Variants in SEC14L1 observed in about 807,000 individuals in gnomAD.
SEC14L1 encodes the protein SEC14-like protein 1.
SEC14L1 carries 48 observed loss-of-function variants against 85.3 expected under a neutral mutation model. The ratio of observed to expected loss-of-function variants is 0.56; its 90% confidence interval spans 0.45 to 0.72. The LOEUF (loss-of-function observed/expected upper bound fraction) is 0.72, where lower values mean the gene tolerates loss of function less well. SEC14L1 is among the 30% of genes least tolerant of loss of function. The pLI is 0.00. For missense variants in SEC14L1, 682 were observed against 921.4 expected, an observed-to-expected ratio of 0.74 and a Z score of 3.36; for synonymous variants, 391 against 355.5, an observed-to-expected ratio of 1.10 and a Z score of -1.12.
At chr17:77,167,146 CTT>C (rs72037954) in intron 3 of SEC14L1, among the ~76,000 whole-genome samples, 4,739 of 134,444 alleles carry the variant, frequency 0.035, 116 homozygotes, top group African/African-American at 0.082. Context: ...TTTCTTTTTC[CTT>C]TTTTTTTTTT....
intron 3 of SEC14L1, among the ~76,000 whole-genome samples, chr17:77,105,373 A>ACCCCCCCCCCCCCC (rs796673679): frequency 1.2e-5 from 1 of 82,376 alleles, no homozygotes; most frequent in Non-Finnish European, 2.4e-5. Context: ...CTCGCTGACC[A>ACCCCCCCCCCCCCC]CCCCCCCCCC....
At chr17:77,169,007 C>CTTTTTTTTTTTTTTTT in intron 3 of SEC14L1, among the ~76,000 whole-genome samples, 1 of 77,832 alleles carries the variant, frequency 1.3e-5, no homozygotes, top group Non-Finnish European at 2.4e-5. Context: ...TGAGGAGCAT[C>CTTTTTTTTTTTTTTTT]TTTTTTTTTT....
chr17:77,090,732 G>A (rs1971492649), intron 2 of SEC14L1, among the ~76,000 whole-genome samples: 1 of 152,064 alleles, frequency 6.6e-6, no homozygotes, highest in Admixed American at 6.6e-5. Flanking sequence ...GCTCACACCT[G>A]TAATCACAGC....
chr17:77,169,317 G>A lies in SEC14L1; in HGVS notation c.64-21486G>A, dbSNP rs530066702. 7.9e-5 allele frequency among the ~76,000 whole-genome samples: 12 copies of A among 152,286 alleles called. No homozygotes were observed. In the East Asian group the frequency reaches 2.1e-3, roughly 27 times the overall value. On this transcript the variant is annotated intron_variant, in intron 3 of 16. Transcript: ENST00000436233. ...TAAATCAGAAGCTGGAGGCCAGATG[G>A]CCCTCGGGGGCTGACCTGCGGGGTC... is the stretch of plus-strand genomic sequence containing the variant.
chr17:77,187,042 A>G (rs921074488), intron 3 of SEC14L1, among the ~76,000 whole-genome samples: 39 of 152,176 alleles, frequency 2.6e-4, no homozygotes, highest in African/African-American at 9.2e-4. Flanking sequence ...CCAGATCAAA[A>G]ACTTTTTGAG....
chr17:77,195,595 C>A (rs915223806), intron 7 of SEC14L1, among the ~76,000 whole-genome samples: 1 of 152,120 alleles, frequency 6.6e-6, no homozygotes, highest in Non-Finnish European at 1.5e-5. Context: ...TCAAGTGATT[C>A]TCCTGCCTAA....
At chr17:77,089,138 AC>A (rs1971442987) in intron 1 of SEC14L1, 1 of 293,922 alleles carries the variant, frequency 3.4e-6, no homozygotes, top group African/African-American at 4.4e-5. Context: ...ACATTATGTT[AC>A]TTTTTCCCCC....
At chr17:77,187,049 T>A (rs762712496) in intron 3 of SEC14L1, among the ~76,000 whole-genome samples, 2 of 152,222 alleles carry the variant, frequency 1.3e-5, no homozygotes, top group Non-Finnish European at 1.5e-5. Flanking sequence ...AAAAACTTTT[T>A]GAGCACTGAT....
At chr17:77,205,546 C>A (rs1976421751) in intron 11 of SEC14L1, among the ~76,000 whole-genome samples, 200 bp downstream of exon 11, 1 of 152,116 alleles carries the variant, frequency 6.6e-6, no homozygotes, top group African/African-American at 2.4e-5. Flanking sequence ...TGACGTCAGC[C>A]AGAGTGGGTT....
At chr17:77,105,877 A>G (rs924443779) in intron 3 of SEC14L1, among the ~76,000 whole-genome samples, 5 of 151,960 alleles carry the variant, frequency 3.3e-5, no homozygotes, top group African/African-American at 1.2e-4. Flanking sequence ...TGGTGAGAGG[A>G]GACAATCTTC....
intron 3 of SEC14L1, among the ~76,000 whole-genome samples, chr17:77,111,433 C>T (rs557677160): frequency 6.7e-6 from 1 of 149,786 alleles, no homozygotes; most frequent in Admixed American, 6.7e-5. Context: ...CGCTTTGTCG[C>T]CCAGGTTGGA....
At chr17:77,150,153 G>GT (rs1026588960) in intron 3 of SEC14L1, among the ~76,000 whole-genome samples, 15 of 152,152 alleles carry the variant, frequency 9.9e-5, no homozygotes, top group African/African-American at 2.9e-4. Flanking sequence ...GGCATTTGGG[G>GT]TTTTTTCCCC....
upstream of SEC14L1, among the ~76,000 whole-genome samples, chr17:77,136,211 TTTTCTTTTC>T (rs1161584151): frequency 6.6e-6 from 1 of 151,244 alleles, no homozygotes; most frequent in Non-Finnish European, 1.5e-5. Flanking sequence ...CTTTCTTTCT[TTTTCTTTTC>T]TTTCTTTTCT....
At chr17:77,205,382 T>A in intron 11 of SEC14L1, 36 bp downstream of exon 11, 1 of 1,526,912 alleles carries the variant, frequency 6.5e-7, no homozygotes, top group African/African-American at 1.4e-5. Context: ...TTCAACTTAC[T>A]GAGAAAACGA....
rs1388824032 is a variant in SEC14L1, at chr17:77,142,715, A to G, written c.-66A>G. On this transcript the variant is annotated 5_prime_UTR_variant, in exon 2 of 17. Transcript: ENST00000436233. The stretch of plus-strand genomic sequence containing the variant: ...ATATCCTCTCACCATGTTCAGCATA[A>G]AGTACCATTCTTAATGATTATCCTC... The G allele has an allele frequency of 6.6e-6, 1 of 152,122 alleles. No homozygotes were observed. The highest frequency in any genetic ancestry group is 1.9e-4 in the East Asian group (1 of 5,188). 9.4% of individuals were successfully genotyped at this position (152,122 alleles called of 1,614,324 possible).
At chr17:77,089,719 A>G (rs1567863049) in intron 2 of SEC14L1, 2 of 295,616 alleles carry the variant, frequency 6.8e-6, no homozygotes, top group Admixed American at 1.0e-4. Flanking sequence ...GATCACACTT[A>G]AGAGGGCATA....
At chr17:77,195,236 T>A (rs1567924605) in intron 7 of SEC14L1, among the ~76,000 whole-genome samples, 1 of 152,104 alleles carries the variant, frequency 6.6e-6, no homozygotes, top group Non-Finnish European at 1.5e-5. Context: ...GCTCAAGCAA[T>A]CCTTCTGCCT....
chr17:77,099,389 T>G (rs1887418330), intron 3 of SEC14L1, among the ~76,000 whole-genome samples: 1 of 152,198 alleles, frequency 6.6e-6, no homozygotes, highest in African/African-American at 2.4e-5. Context: ...TTGAAAACTT[T>G]GCTCAGTTGT....
intron 3 of SEC14L1, among the ~76,000 whole-genome samples, chr17:77,096,226 A>T (rs1971639679): frequency 6.6e-6 from 1 of 151,806 alleles, no homozygotes; most frequent in South Asian, 2.1e-4. Context: ...TTAGCAATGG[A>T]TAATTAAATA....
Sources: gnomAD v4.1 joint callset for allele counts (sites outside exome capture counted in the v4.1 genomes callset) on GRCh38, gnomAD v4.1.1 for gene constraint, MANE v1.5 for transcripts, NCBI Gene and HGNC (gene_info 2026-07-23, HGNC 2026-07-21) for gene names.